FAM184A: variants seen among roughly 807,000 people sequenced by gnomAD.
FAM184A encodes the protein family with sequence similarity 184 member A, also known as protein FAM184A.
A neutral mutation model predicts 143.8 loss-of-function variants in FAM184A; 99 were observed. The ratio of observed to expected loss-of-function variants is 0.69; its 90% confidence interval spans 0.58 to 0.81. The LOEUF (loss-of-function observed/expected upper bound fraction) is 0.81. FAM184A is among the 40% of genes least tolerant of loss of function. The pLI is 0.00. For synonymous variants in FAM184A, 427 were observed against 446.4 expected (o/e 0.96, Z 0.55); for missense variants, 1,217 against 1,310.5 (o/e 0.93, Z 1.10).
chr6:118,992,286 A>C (rs1012385404), intron 9 of FAM184A, among the ~76,000 whole-genome samples: 1 of 152,178 alleles, frequency 6.6e-6, no homozygotes, highest in Admixed American at 6.5e-5. Flanking sequence ...TGGGAAGTAA[A>C]GGAAAGACAT....
chr6:119,136,249 C>A (rs1386212067), intron 1 of FAM184A, among the ~76,000 whole-genome samples: 1 of 124,730 alleles, frequency 8.0e-6, no homozygotes, highest in Admixed American at 1.0e-4. Flanking sequence ...CTGCAGTCCG[C>A]AGTCCGGCCT....
Position 119,022,936 on chromosome 6 carries a change from C to A in FAM184A, c.1150+9G>T, listed in dbSNP as rs757677972. On this transcript the variant is annotated intron_variant, in intron 3 of 17. Coordinates refer to ENST00000338891, the MANE Select transcript of FAM184A (RefSeq NM_024581.6). ...TAAGCATTACATCAAAAACTGTGGT[C>A]ACACATACTAGCTTTGAGGACAAGA... The A allele has an allele frequency of 1.2e-6, 2 of 1,613,670 alleles. No individual in the cohort carries two copies. Among genetic ancestry groups the A allele is most frequent in the Admixed American group, 3.3e-5 (2 of 59,926 alleles).
intron 1 of FAM184A, among the ~76,000 whole-genome samples, chr6:119,038,379 T>G (rs932205036): frequency 6.6e-6 from 1 of 152,034 alleles, no homozygotes; most frequent in Non-Finnish European, 1.5e-5. Flanking sequence ...GCATTCTAAG[T>G]CACAGGATGA....
chr6:119,138,798 T>G (rs984631278), intron 1 of FAM184A, among the ~76,000 whole-genome samples: 5 of 152,116 alleles, frequency 3.3e-5, no homozygotes, highest in Non-Finnish European at 7.4e-5. Flanking sequence ...TGGCTAATTT[T>G]GTATTTTTAG....
At chr6:118,966,788 TA>T in intron 15 of FAM184A, 46 bp downstream of exon 15, 1 of 857,542 alleles carries the variant, frequency 1.2e-6, no homozygotes, top group Admixed American at 2.3e-5. Context: ...TCCCAATCAA[TA>T]TCTATTGATT....
rs562193069 is a variant in FAM184A at position 119,121,809 on chromosome 6, A to G, written c.-202+27269T>C. 2.6e-5 allele frequency among the ~76,000 whole-genome samples: 4 copies of G among 152,370 alleles called. No homozygotes were observed. In the South Asian group the frequency reaches 6.2e-4, roughly 24 times the overall value. On this transcript the variant is annotated intron_variant, in intron 1 of 16. Coordinates refer to the FAM184A transcript ENST00000352896. ...GCATGAAGATCTGAACTGTCAGTTA[A>G]AAAGAACAGTATTGAACGCTGCTTT...
At chr6:119,003,097 C>T in intron 8 of FAM184A, 48 bp from the exon 9 acceptor site, 1 of 1,509,914 alleles carries the variant, frequency 6.6e-7, no homozygotes, top group East Asian at 2.3e-5. Context: ...TTATTCCTTT[C>T]ACTGACTGTA....
chr6:119,089,082 C>T (rs986237232), intron 1 of FAM184A, among the ~76,000 whole-genome samples: 1 of 150,854 alleles, frequency 6.6e-6, no homozygotes, highest in Non-Finnish European at 1.5e-5. Context: ...TAGACAGGAT[C>T]TTTCTCTGTC....
intron 1 of FAM184A, among the ~76,000 whole-genome samples, chr6:119,097,913 A>T (rs1299479436): frequency 6.6e-6 from 1 of 152,098 alleles, no homozygotes; most frequent in African/African-American, 2.4e-5. Context: ...ACATTGTCTG[A>T]TTGTAGGTCA....
intron 1 of FAM184A, among the ~76,000 whole-genome samples, chr6:119,034,033 TATATATATAGAGAGAG>T (rs1330542390): frequency 6.9e-3 from 174 of 25,216 alleles, no homozygotes; most frequent in Non-Finnish European, 0.012. Flanking sequence ...TATATATATA[TATATATATAGAGAGAG>T]AGAGAGAGAG....
At chr6:119,031,127 T>TA (rs929654813) in intron 1 of FAM184A, among the ~76,000 whole-genome samples, 9 of 152,164 alleles carry the variant, frequency 5.9e-5, no homozygotes, top group African/African-American at 9.7e-5. Context: ...TTCCCCCAGG[T>TA]AAAATGTGAA....
At chr6:119,003,461 G>C in intron 8 of FAM184A, 40 bp downstream of exon 8, 1 of 1,580,590 alleles carries the variant, frequency 6.3e-7, no homozygotes, top group South Asian at 1.2e-5. Context: ...AAACTTTCTT[G>C]CATGTCTTTA....
At chr6:119,126,231 TTCA>T (rs2114868631) in intron 1 of FAM184A, among the ~76,000 whole-genome samples, 1 of 152,292 alleles carries the variant, frequency 6.6e-6, no homozygotes, top group South Asian at 2.1e-4. Context: ...ATGTGGCACC[TTCA>T]TCATAAAAAG....
At chr6:119,131,560 C>A (rs1420525240) in intron 1 of FAM184A, among the ~76,000 whole-genome samples, 1 of 152,050 alleles carries the variant, frequency 6.6e-6, no homozygotes, top group African/African-American at 2.4e-5. Flanking sequence ...ATCACGGCTC[C>A]CCGCAGCTTC....
At position 118,967,047 on chromosome 6, in the gene FAM184A, A is replaced by G. The variant is rs189870447; in HGVS notation, c.2916-95T>C. 61 of 590,634 alleles carry G rather than the reference A, an allele frequency of 1.0e-4. No homozygotes were observed. In the African/African-American group the frequency reaches 1.1e-3, roughly 11 times the overall value. The allele number at this position is 590,634 out of a possible 1,614,324, so 36.6% of individuals were successfully genotyped here. On this transcript the variant is annotated intron_variant, in intron 14 of 17. Transcript: ENST00000338891. ...AAAATTAGTCTAGTTGAACACACACAAAAATCTGAAACAAAACTTCTTTTT... is the reference window on the plus strand; with the variant it reads ...AAAATTAGTCTAGTTGAACACACACGAAAATCTGAAACAAAACTTCTTTTT...
chr6:119,060,920 TTAAACCTCTTTTCTTTA>T, intron 1 of FAM184A, among the ~76,000 whole-genome samples: 1 of 152,218 alleles, frequency 6.6e-6, no homozygotes, highest in Non-Finnish European at 1.5e-5. Context: ...CATGAACGAA[TTAAACCTCTTTTCTTTA>T]TAAATTACCC....
At chr6:119,060,089 G>A (rs571270497) in intron 1 of FAM184A, among the ~76,000 whole-genome samples, 6 of 152,208 alleles carry the variant, frequency 3.9e-5, no homozygotes, top group Admixed American at 3.3e-4. Context: ...TAGTCACTTC[G>A]AGATTAAAGT....
At chr6:118,973,090 A>T (rs1368284899) in intron 14 of FAM184A, among the ~76,000 whole-genome samples, 1 of 152,216 alleles carries the variant, frequency 6.6e-6, no homozygotes, top group Non-Finnish European at 1.5e-5. Context: ...GAATCATAAA[A>T]TTCATTCATG....
At chr6:119,035,910 G>A (rs979325688) in intron 1 of FAM184A, among the ~76,000 whole-genome samples, 5 of 152,062 alleles carry the variant, frequency 3.3e-5, no homozygotes, top group Admixed American at 6.5e-5. Flanking sequence ...GCTATAGCCC[G>A]ACCACCTTGG....
Sources: allele counts gnomAD v4.1 joint callset (sites outside exome capture counted in the v4.1 genomes callset), GRCh38; gene constraint gnomAD v4.1.1; transcripts MANE v1.5; gene names NCBI Gene and HGNC (gene_info 2026-07-23, HGNC 2026-07-21).